The following ACSM1 variants were observed in gnomAD, a reference collection of about 807,000 sequenced individuals.
ACSM1 encodes the protein acyl-coenzyme A synthetase ACSM1, mitochondrial.
A neutral mutation model predicts 75.8 loss-of-function variants in ACSM1; 79 were observed. That is an observed-to-expected ratio of 1.04 (90% CI 0.87 to 1.26). ACSM1 has a LOEUF of 1.26. ACSM1 is among the 50% of genes most tolerant of loss of function. ACSM1 has a pLI of 0.00. For synonymous variants in ACSM1, 279 were observed against 265.8 expected (o/e 1.05, Z -0.48); for missense variants, 676 against 720.1 (o/e 0.94, Z 0.70).
chr16:20,686,810 G>GA (rs57762001), intron 2 of ACSM1, among the ~76,000 whole-genome samples: 1 of 146,790 alleles, frequency 6.8e-6, no homozygotes, highest in South Asian at 2.2e-4. Flanking sequence ...TCTCAAAAAA[G>GA]AAAAAAAAAA....
At chr16:20,659,677 C>G (rs2019193371) in intron 7 of ACSM1, among the ~76,000 whole-genome samples, 1 of 152,152 alleles carries the variant, frequency 6.6e-6, no homozygotes, top group South Asian at 2.1e-4. Flanking sequence ...CCACTTTCCC[C>G]TTCATTTTCC....
intron 4 of ACSM1, 116 bp downstream of exon 4, chr16:20,682,140 G>A (rs563320073): frequency 7.3e-6 from 7 of 958,232 alleles, no homozygotes; most frequent in Non-Finnish European, 1.1e-5. Flanking sequence ...AATCTGACTG[G>A]GCTGGTGCAC....
At chr16:20,647,110 G>A (rs2018410227) in intron 7 of ACSM1, among the ~76,000 whole-genome samples, 1 of 152,200 alleles carries the variant, frequency 6.6e-6, no homozygotes, top group Non-Finnish European at 1.5e-5. Context: ...TGGCCTCCTG[G>A]CTACAGACAC....
At chr16:20,671,022 G>T (rs533397974) in intron 5 of ACSM1, among the ~76,000 whole-genome samples, 1 of 152,282 alleles carries the variant, frequency 6.6e-6, no homozygotes, top group East Asian at 1.9e-4. Flanking sequence ...ATAGAGCTTT[G>T]CCCTCTTAGA....
intron 7 of ACSM1, 88 bp from the exon 8 acceptor site, chr16:20,640,672 T>C: frequency 1.3e-6 from 2 of 1,565,508 alleles, no homozygotes; most frequent in Admixed American, 1.9e-5. Flanking sequence ...AGATCATTCA[T>C]CCTTCTAGTT....
At chr16:20,641,957 A>G (rs1347815834) in intron 7 of ACSM1, among the ~76,000 whole-genome samples, 1 of 152,236 alleles carries the variant, frequency 6.6e-6, no homozygotes, top group African/African-American at 2.4e-5. Context: ...GCTTATTTAA[A>G]TATCCTAAGA....
At chr16:20,625,984 G>A (rs1335262907) in intron 11 of ACSM1, among the ~76,000 whole-genome samples, 1 of 152,128 alleles carries the variant, frequency 6.6e-6, no homozygotes, top group Non-Finnish European at 1.5e-5. Context: ...AAGCACACTA[G>A]CATATCCATC....
intron 4 of ACSM1, among the ~76,000 whole-genome samples, chr16:20,672,547 TATATATAA>T (rs2020006771): frequency 7.5e-6 from 1 of 132,906 alleles, no homozygotes; most frequent in Non-Finnish European, 1.6e-5. Context: ...TATATAAAAT[TATATATAA>T]ATATATAAAA....
chr16:20,631,571 G>A (rs910779165), intron 10 of ACSM1, among the ~76,000 whole-genome samples: 6 of 152,272 alleles, frequency 3.9e-5, no homozygotes, highest in East Asian at 1.9e-4. Context: ...ATGCACATGC[G>A]TGTTTATAGC....
intron 7 of ACSM1, among the ~76,000 whole-genome samples, chr16:20,658,911 T>C (rs1054176953): frequency 1.4e-4 from 21 of 152,184 alleles, no homozygotes; most frequent in Admixed American, 3.3e-4. Context: ...GGTAACCACA[T>C]TGTGAGTCTG....
intron 7 of ACSM1, among the ~76,000 whole-genome samples, chr16:20,652,654 A>C (rs2018708643): frequency 6.6e-6 from 1 of 152,216 alleles, no homozygotes; most frequent in Non-Finnish European, 1.5e-5. Flanking sequence ...AAAATCTAGA[A>C]GAAATGGATA....
rs2016879258 is a variant in ACSM1 at position 20,625,642 on chromosome 16, G to T, written c.1428-120C>A. 3.6e-6 allele frequency: 3 copies of T among 826,154 alleles called. No individual in the cohort carries two copies. The Admixed American group carries it at 7.3e-5, about 20-fold the overall frequency. 51.2% of individuals were successfully genotyped at this position (826,154 alleles called of 1,614,324 possible). A position where few individuals can be genotyped will look rare whatever the true frequency, so the allele number is the denominator to read the frequency against. On this transcript the variant is annotated intron_variant, in intron 11 of 13. Transcript: ENST00000520010. Reference sequence around the variant, plus strand: ...AGGGTGGAGGTCATAGGAAGCCAGGGACCCCTGACTTGTCTGTGTCATGGG... The same window carrying T: ...AGGGTGGAGGTCATAGGAAGCCAGGTACCCCTGACTTGTCTGTGTCATGGG...
At chr16:20,647,175 TTG>T (rs1448954244) in intron 7 of ACSM1, among the ~76,000 whole-genome samples, 1 of 152,208 alleles carries the variant, frequency 6.6e-6, no homozygotes, top group African/African-American at 2.4e-5. Flanking sequence ...GAGGGTATGC[TTG>T]TGTTTTTGCA....
intron 4 of ACSM1, chr16:20,681,272 G>T (rs1449653286): frequency 2.0e-5 from 3 of 152,200 alleles, no homozygotes; most frequent in Non-Finnish European, 2.9e-5. Context: ...ATTGGCATTA[G>T]ATTATCACTT....
chr16:20,675,128 C>T (rs958198110), intron 4 of ACSM1, among the ~76,000 whole-genome samples: 1 of 151,988 alleles, frequency 6.6e-6, no homozygotes, highest in African/African-American at 2.4e-5. Flanking sequence ...CAGAGAGGTT[C>T]GTTTCCTCTG....
At chr16:20,682,130 A>T in intron 4 of ACSM1, 126 bp downstream of exon 4, 1 of 870,328 alleles carries the variant, frequency 1.1e-6, no homozygotes, top group Non-Finnish European at 1.7e-6. Flanking sequence ...TTTGGATGTT[A>T]ATCTGACTGG....
In ACSM1 at chr16:20,672,776, A is replaced by C. The variant is rs1164038571; in HGVS notation, c.612-1105T>G. 4.8e-5 allele frequency among the ~76,000 whole-genome samples: 6 copies of C among 124,134 alleles called. No individual in the cohort carries two copies. The South Asian group carries it at 1.4e-3, about 28-fold the overall frequency. 81.4% of individuals were successfully genotyped at this position (124,134 alleles called of 152,430 possible). On this transcript the variant is annotated intron_variant, in intron 4 of 13. Coordinates refer to ENST00000520010, the MANE Select transcript of ACSM1 (RefSeq NM_001318890.3). ...TTATGCTTATATATAAATTATGCTT[A>C]TATATAAATTATGTACAAAATATGT...
chr16:20,624,275 C>A, intron 12 of ACSM1, 60 bp from the exon 13 acceptor site: 1 of 1,520,364 alleles, frequency 6.6e-7, no homozygotes. Context: ...CTTAAAAAGT[C>A]AATGTTTATT....
intron 8 of ACSM1, among the ~76,000 whole-genome samples, chr16:20,639,163 C>T (rs1488863711): frequency 1.3e-5 from 2 of 152,130 alleles, no homozygotes; most frequent in Non-Finnish European, 1.5e-5. Context: ...AAATGGATTG[C>T]AAATATGTTG....
Sources: allele counts gnomAD v4.1 joint callset (sites outside exome capture counted in the v4.1 genomes callset), GRCh38; gene constraint gnomAD v4.1.1; transcripts MANE v1.5; gene names NCBI Gene and HGNC (gene_info 2026-07-23, HGNC 2026-07-21).